The following RANBP2 variants were observed in gnomAD, a reference collection of about 807,000 sequenced individuals.
The protein encoded by RANBP2 is RAN binding protein 2, also known as E3 SUMO-protein ligase RanBP2.
RANBP2 carries 57 observed loss-of-function variants against 303.6 expected under a neutral mutation model. The ratio of observed to expected loss-of-function variants is 0.19; its 90% CI spans 0.15 to 0.23. The LOEUF is 0.23. Ranked by LOEUF, RANBP2 falls within the 10% of genes least tolerant of loss-of-function variation. RANBP2 has a pLI of 1.00. For synonymous variants in RANBP2, 1,167 were observed against 1,301.5 expected, an observed-to-expected ratio of 0.90 and a Z score of 2.23; for missense variants, 3,138 against 3,780.8, an observed-to-expected ratio of 0.83 and a Z score of 4.46.
the RANBP2 span, chr2:108,910,947 C>T: frequency 1.2e-6 from 2 of 1,614,138 alleles, no homozygotes; most frequent in Admixed American, 1.7e-5. Context: ...GGGCCGTCAC[C>T]TGGGGCAGAG....
intron 28 of RANBP2, 60 bp downstream of exon 28, chr2:108,782,922 G>A (rs2149333536): frequency 7.0e-7 from 1 of 1,435,714 alleles, no homozygotes; most frequent in Non-Finnish European, 9.7e-7. Flanking sequence ...ACACTAATGG[G>A]AAATTTGAGT....
At chr2:109,449,306 GC>G in the RANBP2 span, 1 of 1,607,784 alleles carries the variant, frequency 6.2e-7, no homozygotes, top group Non-Finnish European at 8.5e-7. Flanking sequence ...ACAGCCACCA[GC>G]CCCCGGTGCA....
the RANBP2 span, among the ~76,000 whole-genome samples, chr2:109,679,514 T>C: frequency 5.0e-4 from 76 of 152,308 alleles, no homozygotes; most frequent in African/African-American, 1.8e-3. Context: ...ATTTAAAAAG[T>C]AAAACTTAAA....
chr2:108,931,729 CTTT>C, the RANBP2 span, among the ~76,000 whole-genome samples: 1 of 149,924 alleles, frequency 6.7e-6, no homozygotes, highest in African/African-American at 2.5e-5. Flanking sequence ...GTTTTTTTTT[CTTT>C]TTTTTTGCTT....
At chr2:109,276,853 A>C in the RANBP2 span, among the ~76,000 whole-genome samples, 3 of 152,294 alleles carry the variant, frequency 2.0e-5, no homozygotes, top group East Asian at 5.8e-4. Flanking sequence ...TAGTTAAGCA[A>C]GATAAAATAA....
chr2:108,768,009 T>C lies in RANBP2; in HGVS notation c.7470T>C (p.Asp2490=). The change falls in exon 20 of 29, where the codon GAT becomes GAC. Residue 2490 remains aspartate, a synonymous_variant. Transcript: ENST00000283195. The stretch of plus-strand genomic sequence containing the variant: ...TTATTCAGGGTGATGATGTAGCAGA[T>C]GCAACTTCAGAAGTTGAAGTGTCTA... ...TDVIQGDDVA[D]ATSEVEVSST... 1 of 1,612,044 alleles carries C rather than the reference T, an allele frequency of 6.2e-7. No homozygotes were observed.
At chr2:109,250,865 A>G in the RANBP2 span, among the ~76,000 whole-genome samples, 1 of 152,168 alleles carries the variant, frequency 6.6e-6, no homozygotes, top group African/African-American at 2.4e-5. Context: ...AGAACAAAAA[A>G]TCAAATCACT....
At chr2:109,519,801 T>G in the RANBP2 span, among the ~76,000 whole-genome samples, 1 of 152,226 alleles carries the variant, frequency 6.6e-6, no homozygotes, top group Non-Finnish European at 1.5e-5. Flanking sequence ...CTTGTTGCTG[T>G]TCCATGTATG....
chr2:109,438,458 C>G, the RANBP2 span, among the ~76,000 whole-genome samples: 17 of 152,192 alleles, frequency 1.1e-4, no homozygotes, highest in Admixed American at 3.9e-4. Flanking sequence ...TAATTTAGCA[C>G]TAGGAAAGCT....
the RANBP2 span, among the ~76,000 whole-genome samples, chr2:109,482,844 A>G: frequency 6.6e-6 from 1 of 152,214 alleles, no homozygotes. Context: ...AGAGAAGCAC[A>G]ATAGCTCAGC....
intron 19 of RANBP2, among the ~76,000 whole-genome samples, chr2:108,762,798 CCATCAT>C (rs112880794): frequency 0.014 from 2,050 of 151,286 alleles, 20 homozygotes; most frequent in Non-Finnish European, 0.021. Context: ...ATAAATGTTA[CCATCAT>C]CATCATCATC....
At chr2:108,908,343 G>A in the RANBP2 span, among the ~76,000 whole-genome samples, 5 of 152,202 alleles carry the variant, frequency 3.3e-5, no homozygotes, top group East Asian at 1.9e-4. Flanking sequence ...TGGATGCTCC[G>A]TGAAGGTTCA....
chr2:108,924,604 C>A, the RANBP2 span, among the ~76,000 whole-genome samples: 1 of 152,304 alleles, frequency 6.6e-6, no homozygotes, highest in African/African-American at 2.4e-5. Context: ...TGCTAAGCAG[C>A]AGCCTGGCAC....
At chr2:108,961,944 C>T in the RANBP2 span, among the ~76,000 whole-genome samples, 2 of 152,206 alleles carry the variant, frequency 1.3e-5, no homozygotes, top group African/African-American at 2.4e-5. Context: ...AAAACTCTAG[C>T]TGTGTTCAGG....
chr2:109,294,614 G>T, the RANBP2 span, among the ~76,000 whole-genome samples: 1 of 151,032 alleles, frequency 6.6e-6, no homozygotes, highest in Non-Finnish European at 1.5e-5. Flanking sequence ...GAATTGCTGT[G>T]AGAGCCATCC....
chr2:109,298,284 C>T, the RANBP2 span, among the ~76,000 whole-genome samples: 4 of 148,826 alleles, frequency 2.7e-5, no homozygotes, highest in African/African-American at 9.8e-5. Context: ...GAGAGAACTC[C>T]GTGGCTGGCT....
the RANBP2 span, among the ~76,000 whole-genome samples, chr2:109,073,625 C>A: frequency 0.096 from 14,258 of 149,088 alleles, 1,488 homozygotes; most frequent in Middle Eastern, 0.15. Flanking sequence ...GCTGAGATTG[C>A]GCCACTGCAC....
the RANBP2 span, among the ~76,000 whole-genome samples, chr2:108,984,802 TACTC>T: frequency 6.6e-6 from 1 of 152,170 alleles, no homozygotes; most frequent in African/African-American, 2.4e-5. Context: ...ACCACTGTGT[TACTC>T]ACTACATCCC....
chr2:109,040,191 A>G, the RANBP2 span, among the ~76,000 whole-genome samples: 1 of 152,210 alleles, frequency 6.6e-6, no homozygotes, highest in Non-Finnish European at 1.5e-5. Context: ...TAATTGTTCC[A>G]GTACAATTTA....
Sources: allele counts gnomAD v4.1 joint callset (sites outside exome capture counted in the v4.1 genomes callset), GRCh38; gene constraint gnomAD v4.1.1; transcripts MANE v1.5; gene names NCBI Gene and HGNC (gene_info 2026-07-23, HGNC 2026-07-21).